The following PROKR2 variants were observed in gnomAD, a reference collection of about 807,000 sequenced individuals.
PROKR2 encodes G protein-coupled receptor 73-like 1.
Under a neutral mutation model 23.4 loss-of-function variants are expected in PROKR2, and 26 were observed. The observed-to-expected ratio is 1.11, with a 90% CI of 0.81 to 1.54. The LOEUF is 1.54. Among genes scored for constraint, PROKR2 ranks in the 40% most tolerant of loss-of-function variants. The pLI, the probability that PROKR2 is intolerant of heterozygous loss-of-function variation, is 0.00. For synonymous variants in PROKR2, 212 were observed against 201.2 expected (o/e 1.05, Z -0.45); for missense variants, 453 against 511.5 (o/e 0.89, Z 1.10).
rs2145089 is a variant in PROKR2, at chr20:5,302,988, A to G, written c.459-252T>C. On this transcript the variant is annotated intron_variant, in intron 2 of 2. Coordinates refer to ENST00000678254, the MANE Select transcript of PROKR2 (RefSeq NM_144773.4). ...TTCCCTGGATTGGCTTTGGGGTCTG[A>G]GATGAATTATTCAATCTCCCTGAGA... 0.52 allele frequency among the ~76,000 whole-genome samples: 79,542 copies of G among 152,042 alleles called. 20,840 individuals carry two copies. Among genetic ancestry groups the G allele is most frequent in the African/African-American group, 0.57 (23,658 of 41,462 alleles).
chr20:5,304,611 G>C (rs1979148200), intron 2 of PROKR2, among the ~76,000 whole-genome samples: 1 of 152,198 alleles, frequency 6.6e-6, no homozygotes. Flanking sequence ...TGGTCATGCA[G>C]GATGATGCCA....
chr20:5,303,086 C>T (rs55796812), intron 2 of PROKR2, among the ~76,000 whole-genome samples: 16,251 of 152,178 alleles, frequency 0.11, 961 homozygotes, highest in Non-Finnish European at 0.12. Flanking sequence ...CTAAATATGG[C>T]AATTTTTGTA....
chr20:5,302,357 T>G lies in PROKR2; in HGVS notation c.838A>C (p.Ile280Leu). ...CAGCACAGCACATAGGCCGTGAGAA[T>G]GCACATGAGCACCAGGACCGTCTTC... is the stretch of plus-strand genomic sequence containing the variant. ...RRKTVLVLMC[I>L]LTAYVLCWAP... Residue 280 changes from isoleucine to leucine, a missense_variant, in exon 3 of 3, where the codon ATT becomes CTT. Physicochemically the swap from Ile to Leu is conservative, Grantham distance 5. Transcript: ENST00000678254. The G allele has an allele frequency of 6.2e-7, 1 of 1,614,212 alleles. No homozygotes were observed. Among genetic ancestry groups the G allele is most frequent in the Non-Finnish European group, 8.5e-7 (1 of 1,180,044 alleles).
chr20:5,311,324 T>G (rs1979435776), intron 2 of PROKR2, among the ~76,000 whole-genome samples: 1 of 152,170 alleles, frequency 6.6e-6, no homozygotes, highest in African/African-American at 2.4e-5. Context: ...AACTTTTCCC[T>G]GCTTGGACGG....
intron 2 of PROKR2, among the ~76,000 whole-genome samples, chr20:5,308,406 C>T (rs1192201519): frequency 6.6e-6 from 1 of 152,224 alleles, no homozygotes; most frequent in Non-Finnish European, 1.5e-5. Context: ...GTGATCTGTG[C>T]CTTAAGGACA....
In PROKR2 at chr20:5,300,169, G is replaced by A. The variant is rs1227162069; in HGVS notation, c.*1871C>T. Among the ~76,000 whole-genome samples, 1 of 147,816 alleles carries A rather than the reference G, an allele frequency of 6.8e-6. No homozygotes were observed. Among genetic ancestry groups the A allele is most frequent in the African/African-American group, 2.5e-5 (1 of 39,914 alleles). On this transcript the variant is annotated 3_prime_UTR_variant, in exon 3 of 3. Transcript: ENST00000678254. ...AAATGAATCAAGAAGAAATGAAGAC[G>A]TGTACCTACAGTTACCACAAATGTA...
rs2122223005 is a variant in PROKR2 at position 5,314,177 on chromosome 20, G to A, written c.193C>T (p.Leu65=). The A allele has an allele frequency of 1.2e-6, 2 of 1,614,206 alleles. No homozygotes were observed. The highest frequency in any genetic ancestry group is 2.2e-5 in the East Asian group (1 of 44,882). ...ACAAAGTTACCGATGCCGCAGACCA[G>A]CATGATGCCTGCCAGTGCAATGCCA... ...VIGIALAGIM[L]VCGIGNFVFI... Residue 65 remains leucine, a synonymous_variant, in exon 2 of 3, where the codon CTG becomes TTG. Coordinates refer to ENST00000678254, the MANE Select transcript of PROKR2 (RefSeq NM_144773.4).
In PROKR2 at chr20:5,316,001, G is replaced by T. The variant is rs1280725420; in HGVS notation, c.-9+493C>A. 1 of 456,650 alleles carries T rather than the reference G, an allele frequency of 2.2e-6. No homozygotes were observed. Among genetic ancestry groups the T allele is most frequent in the Admixed American group, 2.3e-5 (1 of 42,586 alleles). The allele number at this position is 456,650 out of a possible 1,614,324, so 28.3% of individuals were successfully genotyped here. On this transcript the variant is annotated intron_variant, in intron 1 of 2. Coordinates refer to ENST00000678254, the MANE Select transcript of PROKR2 (RefSeq NM_144773.4). This position sits in a 1 kb window ranked among gnomAD's most constrained non-coding sequence, Gnocchi z 5.0. ...CCCTTCCCGCCCCATCAACGCGGCC[G>T]CACTGTCGGCGTCTAGAGGCGACAT... is the stretch of plus-strand genomic sequence containing the variant.
chr20:5,312,684 GA>G lies in PROKR2; in HGVS notation c.458+1227del, dbSNP rs1267211733. Among the ~76,000 whole-genome samples, 8 of 152,280 alleles carry G rather than the reference GA, an allele frequency of 5.3e-5. No individual in the cohort carries two copies. The East Asian group carries it at 1.5e-3, about 29-fold the overall frequency. On this transcript the variant is annotated intron_variant, in intron 2 of 2. Coordinates refer to ENST00000678254, the MANE Select transcript of PROKR2 (RefSeq NM_144773.4). ...CACTGAGAACAGGGGAAAAATTTAA[GA>G]GTTGAAAAGATGAAAGGAAAAAAGA...
intron 2 of PROKR2, among the ~76,000 whole-genome samples, chr20:5,311,854 G>A (rs917239442): frequency 3.3e-5 from 5 of 152,296 alleles, no homozygotes; most frequent in East Asian, 1.9e-4. Flanking sequence ...TTTGGAACTC[G>A]GACTGGCTCT....
intron 2 of PROKR2, among the ~76,000 whole-genome samples, chr20:5,313,138 C>T (rs1442189154): frequency 1.8e-5 from 2 of 110,648 alleles, no homozygotes; most frequent in African/African-American, 7.9e-5. Flanking sequence ...TAAGTATTTA[C>T]AATTATTATG....
intron 2 of PROKR2, among the ~76,000 whole-genome samples, chr20:5,311,737 CA>C (rs1402718912): frequency 6.6e-6 from 1 of 152,314 alleles, no homozygotes; most frequent in East Asian, 1.9e-4. Context: ...AGAATATAAG[CA>C]GGCAGAAAAA....
Position 5,302,024 on chromosome 20 carries a change from G to A in PROKR2, c.*16C>T. On this transcript the variant is annotated 3_prime_UTR_variant, in exon 3 of 3. Transcript: ENST00000678254. ...GAGTACTGGACTGGGGTTTTCAATT[G>A]TGTGACACCAGTGGGTCACTTCAGC... The A allele has an allele frequency of 6.2e-7, 1 of 1,609,288 alleles. No homozygotes were observed. The highest frequency in any genetic ancestry group is 1.1e-5 in the South Asian group (1 of 90,914).
intron 1 of PROKR2, chr20:5,315,897 C>A (rs1319121410): frequency 6.6e-6 from 3 of 456,456 alleles, no homozygotes; most frequent in Admixed American, 4.7e-5. Context: ...CAAGAGGGCG[C>A]GCGCCCGGGC....
chr20:5,308,583 C>T (rs6085084), intron 2 of PROKR2, among the ~76,000 whole-genome samples: 77,323 of 151,734 alleles, frequency 0.51, 19,963 homozygotes, highest in African/African-American at 0.61. Flanking sequence ...AATCTCTGTT[C>T]GGGGCTCTCA....
intron 2 of PROKR2, among the ~76,000 whole-genome samples, chr20:5,307,100 A>AC (rs980603283): frequency 1.3e-4 from 20 of 151,824 alleles, no homozygotes; most frequent in Admixed American, 5.9e-4. Flanking sequence ...GATCCCGAGG[A>AC]CCCCCCATTT....
chr20:5,315,235 G>GAATTCCATGCAAAAAAAAAAAAA (rs1330572086), intron 1 of PROKR2, among the ~76,000 whole-genome samples: 5 of 150,082 alleles, frequency 3.3e-5, no homozygotes, highest in Non-Finnish European at 4.5e-5. Flanking sequence ...ACCAGCTCCA[G>GAATTCCATGCAAAAAAAAAAAAA]AAAGAAATCC....
chr20:5,310,307 G>A (rs1239909852), intron 2 of PROKR2, among the ~76,000 whole-genome samples: 1 of 152,028 alleles, frequency 6.6e-6, no homozygotes, highest in East Asian at 1.9e-4. Flanking sequence ...TACCTCCTCT[G>A]GGCTTCTCTC....
rs1979698172 is a variant in PROKR2, at chr20:5,316,779, T to G, written c.-294A>C. Among the ~76,000 whole-genome samples the G allele has an allele frequency of 6.6e-6, 1 of 151,706 alleles. No homozygotes were observed. Among genetic ancestry groups the G allele is most frequent in the African/African-American group, 2.4e-5 (1 of 41,264 alleles). The stretch of plus-strand genomic sequence containing the variant: ...CCCCGCGCTGGACTCCGCCCCGGGG[T>G]CCCCGCCTGCCTCCTAGTCCAGGCC... On this transcript the variant is annotated 5_prime_UTR_variant, in exon 1 of 3. Transcript: ENST00000678254. The surrounding 1 kb of genome is among the most constrained non-coding windows in gnomAD (Gnocchi z 5.0).
Sources: allele counts gnomAD v4.1 joint callset (sites outside exome capture counted in the v4.1 genomes callset), GRCh38; gene constraint gnomAD v4.1.1; non-coding constraint Gnocchi (gnomAD v3.1); transcripts MANE v1.5; gene names NCBI Gene and HGNC (gene_info 2026-07-23, HGNC 2026-07-21).